The following ADD3 variants were observed in gnomAD, a reference collection of about 807,000 sequenced individuals.
ADD3 encodes the protein adducin 3.
Under a neutral mutation model 80.2 loss-of-function variants are expected in ADD3, and 25 were observed. That is an observed-to-expected ratio of 0.31 (90% CI 0.23 to 0.44). The LOEUF (loss-of-function observed/expected upper bound fraction) is 0.44, where lower values mean the gene tolerates loss of function less well. Ranked by LOEUF, ADD3 falls within the 20% of genes least tolerant of loss-of-function variation. ADD3 has a pLI of 1.00. For missense variants in ADD3, 829 were observed against 847.5 expected (o/e 0.98, Z 0.27); for synonymous variants, 284 against 289.6 (o/e 0.98, Z 0.20).
intron 1 of ADD3, among the ~76,000 whole-genome samples, chr10:110,092,548 A>G (rs374813770): frequency 2.6e-5 from 4 of 152,146 alleles, no homozygotes; most frequent in East Asian, 1.9e-4. Context: ...GGTGGGAACA[A>G]TAGACACCCG....
At chr10:110,132,585 T>C in intron 14 of ADD3, 185 bp downstream of exon 14, 1 of 560,056 alleles carries the variant, frequency 1.8e-6, no homozygotes, top group South Asian at 2.3e-5. Flanking sequence ...GTTCAGCATT[T>C]ATATTGATTT....
At chr10:110,031,306 C>G (rs961756601) in intron 1 of ADD3, among the ~76,000 whole-genome samples, 1 of 152,140 alleles carries the variant, frequency 6.6e-6, no homozygotes, top group Admixed American at 6.5e-5. Flanking sequence ...AAATTTATGG[C>G]TACTATCCAT....
chr10:110,080,846 T>C (rs1845977484), intron 1 of ADD3, among the ~76,000 whole-genome samples: 1 of 152,234 alleles, frequency 6.6e-6, no homozygotes. Flanking sequence ...CTGAGGAAGC[T>C]GCTTTAGAGG....
chr10:110,065,615 C>T (rs1271397629), intron 1 of ADD3, among the ~76,000 whole-genome samples: 1 of 139,104 alleles, frequency 7.2e-6, no homozygotes, highest in Non-Finnish European at 1.5e-5. Context: ...TCTTGGCTCA[C>T]TGCACCCTCC....
At chr10:110,108,663 A>G (rs12264434) in intron 2 of ADD3, among the ~76,000 whole-genome samples, 19,941 of 152,148 alleles carry the variant, frequency 0.13, 4,195 homozygotes, top group African/African-American at 0.44. Flanking sequence ...GTAATTTTTT[A>G]TATTAGTCTT....
Position 110,126,648 on chromosome 10 carries a change from A to G in ADD3, c.1608+145A>G. On this transcript the variant is annotated intron_variant, in intron 12 of 14. Transcript: ENST00000356080. Reference sequence around the variant, plus strand: ...CACAAGATTTAAAATGTCACCCACAATTCCCAGTTTCCAGGTGCAGCAACT... The same window carrying G: ...CACAAGATTTAAAATGTCACCCACAGTTCCCAGTTTCCAGGTGCAGCAACT... The G allele has an allele frequency of 4.8e-6, 3 of 629,498 alleles. No individual in the cohort carries two copies. The East Asian group carries it at 8.6e-5, about 18-fold the overall frequency. 39.0% of individuals were successfully genotyped at this position (629,498 alleles called of 1,614,324 possible). A position where few individuals can be genotyped will look rare whatever the true frequency, so the allele number is the denominator to read the frequency against.
At chr10:110,000,215 TG>T (rs1212664259) in intron 1 of ADD3, among the ~76,000 whole-genome samples, 1 of 152,146 alleles carries the variant, frequency 6.6e-6, no homozygotes, top group Non-Finnish European at 1.5e-5. Context: ...CCACCGCACC[TG>T]GCGTCTTAAG....
Position 110,084,840 on chromosome 10 carries a change from T to A in ADD3, c.-29-15785T>A, listed in dbSNP as rs537664437. On this transcript the variant is annotated intron_variant, in intron 1 of 14. Transcript: ENST00000356080. ...GTATGAAAGTTATTCTTTGTTGTTT[T>A]AAAGTCTGCATTTCTGTTGTTTTTG... 3.3e-5 allele frequency among the ~76,000 whole-genome samples: 5 copies of A among 152,326 alleles called. No individual in the cohort carries two copies. In the South Asian group the frequency reaches 1.0e-3, roughly 32 times the overall value.
chr10:110,070,480 G>A (rs1844532377), intron 1 of ADD3, among the ~76,000 whole-genome samples: 1 of 152,222 alleles, frequency 6.6e-6, no homozygotes, highest in Admixed American at 6.5e-5. Context: ...AGTAGGTTAT[G>A]TGATCAGTAC....
chr10:110,065,430 A>T (rs1305308444), intron 1 of ADD3, among the ~76,000 whole-genome samples: 1 of 149,090 alleles, frequency 6.7e-6, no homozygotes, highest in Admixed American at 6.7e-5. Context: ...TTTCCTCTTC[A>T]GGAACTTTGG....
intron 1 of ADD3, among the ~76,000 whole-genome samples, chr10:110,080,279 TATAAA>T (rs1288252156): frequency 1.3e-5 from 2 of 152,200 alleles, no homozygotes; most frequent in African/African-American, 4.8e-5. Flanking sequence ...TTTTACCATC[TATAAA>T]ATAAGAGATT....
At chr10:110,024,902 C>G (rs948879020) in intron 1 of ADD3, among the ~76,000 whole-genome samples, 1 of 151,476 alleles carries the variant, frequency 6.6e-6, no homozygotes, top group African/African-American at 2.4e-5. Flanking sequence ...GTTGTCACCC[C>G]CAAACCACTC....
chr10:110,032,016 A>G (rs1185332547), intron 1 of ADD3, among the ~76,000 whole-genome samples: 2 of 151,922 alleles, frequency 1.3e-5, no homozygotes, highest in African/African-American at 4.8e-5. Flanking sequence ...TGACTTTCTC[A>G]CCTGGAAAAT....
chr10:110,011,671 A>G (rs1239193771), intron 1 of ADD3, among the ~76,000 whole-genome samples: 2 of 152,248 alleles, frequency 1.3e-5, no homozygotes, highest in Non-Finnish European at 2.9e-5. Context: ...ATCGAGTGCT[A>G]TTCTTCCTTT....
rs1399052913 is a variant in ADD3, at chr10:110,054,835, C to CG, written c.-29-45789dup. Reference sequence around the variant, plus strand: ...TTCACCGTGTTAGCCAGGATGGTCTCGATCTCCTGACCTCGTGATCTGCCC... The same window carrying CG: ...TTCACCGTGTTAGCCAGGATGGTCTCGGATCTCCTGACCTCGTGATCTGCCC... On this transcript the variant is annotated intron_variant, in intron 1 of 14. Transcript: ENST00000356080. Among the ~76,000 whole-genome samples, 12 of 152,084 alleles carry CG rather than the reference C, an allele frequency of 7.9e-5. No individual in the cohort carries two copies. The South Asian group carries it at 2.5e-3, about 32-fold the overall frequency.
intron 1 of ADD3, among the ~76,000 whole-genome samples, chr10:110,073,213 G>A (rs1168700573): frequency 6.9e-6 from 1 of 145,656 alleles, no homozygotes; most frequent in East Asian, 2.0e-4. Flanking sequence ...CATTATGTCG[G>A]CTCACTGCAA....
intron 1 of ADD3, among the ~76,000 whole-genome samples, chr10:110,066,246 GTGTT>G (rs1416152230): frequency 4.6e-5 from 7 of 152,132 alleles, no homozygotes; most frequent in South Asian, 4.2e-4. Context: ...TTTGATTTGA[GTGTT>G]TGTTTGTTTT....
At chr10:110,071,120 T>A (rs1224135582) in intron 1 of ADD3, among the ~76,000 whole-genome samples, 4 of 151,724 alleles carry the variant, frequency 2.6e-5, no homozygotes, top group Middle Eastern at 3.4e-3. Context: ...TAAAAAAAAA[T>A]TGGGGGAATG....
At chr10:110,011,555 G>T (rs898081763) in intron 1 of ADD3, among the ~76,000 whole-genome samples, 1 of 152,258 alleles carries the variant, frequency 6.6e-6, no homozygotes, top group Middle Eastern at 3.4e-3. Flanking sequence ...TTACTAATCT[G>T]TTTCTCACAC....
Sources: gnomAD v4.1 joint callset for allele counts (sites outside exome capture counted in the v4.1 genomes callset) on GRCh38, gnomAD v4.1.1 for gene constraint, MANE v1.5 for transcripts, NCBI Gene and HGNC (gene_info 2026-07-23, HGNC 2026-07-21) for gene names.